Variants in STX3 observed in about 807,000 individuals in gnomAD.
STX3 encodes the protein syntaxin-3.
Under a neutral mutation model 40.2 loss-of-function variants are expected in STX3, and 19 were observed. That is an observed-to-expected ratio of 0.47 (90% CI 0.33 to 0.69). The LOEUF (loss-of-function observed/expected upper bound fraction) is 0.69, where lower values mean the gene tolerates loss of function less well. Among genes scored for constraint, STX3 ranks in the 30% least tolerant of loss-of-function variants. STX3 has a pLI of 0.02. For missense variants in STX3, 364 were observed against 366.7 expected (o/e 0.99, Z 0.06); for synonymous variants, 122 against 132.2 (o/e 0.92, Z 0.53).
chr11:59,781,441 A>G (rs989610007), intron 2 of STX3: 22 of 1,611,202 alleles, frequency 1.4e-5, no homozygotes, highest in South Asian at 1.1e-4. Context: ...TGCTGAACCA[A>G]TGCACCATCT....
chr11:59,771,385 GCCCCCCGTCCCCCCACCTCCCC>G (rs1487065921), intron 1 of STX3, among the ~76,000 whole-genome samples: 3 of 118,126 alleles, frequency 2.5e-5, no homozygotes, highest in African/African-American at 4.3e-5. Context: ...GCATAAATTT[GCCCCCCGTCCCCCCACCTCCCC>G]CCCCCCGCCC....
Position 59,802,066 on chromosome 11 carries a change from G to C in STX3, c.*1242G>C, listed in dbSNP as rs890142743. ...CCTTTCCCACCTGGTGCCTATGCTA[G>C]GCTTGTCCTGAGAACATCCCTCAGT... On this transcript the variant is annotated 3_prime_UTR_variant, in exon 11 of 11. Transcript: ENST00000337979. 1 of 985,418 alleles carries C rather than the reference G, an allele frequency of 1.0e-6. No individual in the cohort carries two copies. Among genetic ancestry groups the C allele is most frequent in the East Asian group, 1.1e-4 (1 of 8,818 alleles). 61.0% of individuals were successfully genotyped at this position (985,418 alleles called of 1,614,324 possible). A position where few individuals can be genotyped will look rare whatever the true frequency, so the allele number is the denominator to read the frequency against.
rs780809075 is a variant in STX3 at position 59,793,513 on chromosome 11, A to G, written c.674A>G (p.Gln225Arg). The change falls in exon 8 of 11, where the codon CAG (glutamine) becomes CGG (arginine). Residue 225 changes from glutamine (Q) to arginine (R), a missense_variant and splice_region_variant. Transcript: ENST00000337979. ...FMDIAMLVEN[Q>R]GEMLDNIELN... ...GACATCGCCATGCTGGTGGAGAATCAGGTAAGTGGCAGTGAGTCCCAGCGT... is the reference window on the plus strand; with the variant it reads ...GACATCGCCATGCTGGTGGAGAATCGGGTAAGTGGCAGTGAGTCCCAGCGT... The G allele has an allele frequency of 2.5e-6, 4 of 1,612,856 alleles. No individual in the cohort carries two copies.
At chr11:59,797,819 T>G (rs370621202) in intron 10 of STX3, among the ~76,000 whole-genome samples, 8 of 152,236 alleles carry the variant, frequency 5.3e-5, no homozygotes, top group African/African-American at 1.7e-4. Context: ...AATGAAACTC[T>G]GAATTGGGAT....
chr11:59,755,570 G>A lies in STX3; in HGVS notation c.-36G>A, dbSNP rs1458027825. On this transcript the variant is annotated 5_prime_UTR_variant, in exon 1 of 11. Coordinates refer to ENST00000337979, the MANE Select transcript of STX3 (RefSeq NM_004177.5). The stretch of plus-strand genomic sequence containing the variant: ...GCTCACCTGGGACGCGCTCACCTGG[G>A]ACGCGCTACCTGCCTCCGGGCGCCT... 1 of 1,591,954 alleles carries A rather than the reference G, an allele frequency of 6.3e-7. No individual in the cohort carries two copies. Among genetic ancestry groups the A allele is most frequent in the East Asian group, 2.3e-5 (1 of 43,636 alleles).
intron 10 of STX3, among the ~76,000 whole-genome samples, chr11:59,798,594 A>C (rs1410539841): frequency 6.6e-6 from 1 of 151,384 alleles, no homozygotes; most frequent in Non-Finnish European, 1.5e-5. Flanking sequence ...ATCTCAGCTC[A>C]CTGCAGCCTC....
At chr11:59,765,979 A>G (rs1278686297) in intron 1 of STX3, among the ~76,000 whole-genome samples, 2 of 152,222 alleles carry the variant, frequency 1.3e-5, no homozygotes, top group Non-Finnish European at 2.9e-5. Flanking sequence ...TGGTTGTGCC[A>G]GGAGGGGTGC....
intron 1 of STX3, among the ~76,000 whole-genome samples, chr11:59,766,887 A>G (rs17510841): frequency 0.046 from 6,985 of 152,286 alleles, 210 homozygotes; most frequent in African/African-American, 0.058. Context: ...TGCAGATGGG[A>G]TTCGTTGACA....
rs746797808 is a variant in STX3, at chr11:59,793,428, C to A, written c.589C>A (p.Arg197=). 9.9e-6 allele frequency: 16 copies of A among 1,613,968 alleles called. No homozygotes were observed. The highest frequency in any genetic ancestry group is 1.7e-5 in the Admixed American group (1 of 59,990). The change falls in exon 8 of 11, where the codon CGA becomes AGA. Residue 197 remains arginine, a synonymous_variant. Transcript: ENST00000337979. ...SKQALSEIEG[R]HKDIVRLESS... ...GCAAGCCCTCAGTGAGATTGAGGGA[C>A]GACACAAGGACATTGTGAGGCTGGA...
At chr11:59,800,199 T>C (rs1865794919) in intron 10 of STX3, 1 of 985,332 alleles carries the variant, frequency 1.0e-6, no homozygotes, top group African/African-American at 1.7e-5. Context: ...TCAAGACTGA[T>C]TGTTGCCTAG....
intron 8 of STX3, among the ~76,000 whole-genome samples, chr11:59,793,955 C>T (rs1004950087): frequency 6.6e-6 from 1 of 151,980 alleles, no homozygotes; most frequent in African/African-American, 2.4e-5. Flanking sequence ...ATCAGAGATC[C>T]GGGCTCCTAA....
chr11:59,797,215 T>C (rs1464760196), intron 9 of STX3, 68 bp from the exon 10 acceptor site: 25 of 1,264,024 alleles, frequency 2.0e-5, no homozygotes, highest in African/African-American at 3.0e-5. Flanking sequence ...GGGTTAGGTT[T>C]TGGATGAGTT....
At chr11:59,772,974 A>AAACACACACACACACACACACACAC (rs1554996770) in intron 1 of STX3, among the ~76,000 whole-genome samples, 23 of 140,678 alleles carry the variant, frequency 1.6e-4, no homozygotes, top group African/African-American at 5.0e-4. Flanking sequence ...CCCTGAAAGA[A>AAACACACACACACACACACACACAC]ACACACACAC....
At chr11:59,761,060 C>T (rs1863007189) in intron 1 of STX3, among the ~76,000 whole-genome samples, 1 of 152,138 alleles carries the variant, frequency 6.6e-6, no homozygotes, top group South Asian at 2.1e-4. Context: ...CTTTACCTAC[C>T]TGAAGTGGAA....
At chr11:59,783,635 C>T (rs961652485) in intron 2 of STX3, among the ~76,000 whole-genome samples, 1 of 152,200 alleles carries the variant, frequency 6.6e-6, no homozygotes, top group Non-Finnish European at 1.5e-5. Flanking sequence ...GTTTCCTATA[C>T]CCCTTCCCTG....
Position 59,803,291 on chromosome 11 carries a change from C to T in STX3, c.*2467C>T. On this transcript the variant is annotated 3_prime_UTR_variant, in exon 11 of 11. Coordinates refer to ENST00000337979, the MANE Select transcript of STX3 (RefSeq NM_004177.5). ...GCTTCCACCATTGGGAGCATATTTG[C>T]CTGAAAAAGGTGAGCCATCTGTGGG... 1 of 1,231,644 alleles carries T rather than the reference C, an allele frequency of 8.1e-7. No homozygotes were observed. Among genetic ancestry groups the T allele is most frequent in the East Asian group, 3.2e-5 (1 of 31,706 alleles). 76.3% of individuals were successfully genotyped at this position (1,231,644 alleles called of 1,614,324 possible).
At chr11:59,772,737 A>G (rs1863724192) in intron 1 of STX3, among the ~76,000 whole-genome samples, 1 of 152,136 alleles carries the variant, frequency 6.6e-6, no homozygotes, top group Non-Finnish European at 1.5e-5. Flanking sequence ...CCTCAACTGT[A>G]GTGAGTTACA....
At chr11:59,761,103 G>T (rs1425766723) in intron 1 of STX3, among the ~76,000 whole-genome samples, 1 of 152,146 alleles carries the variant, frequency 6.6e-6, no homozygotes, top group Admixed American at 6.5e-5. Context: ...GTTTGCTAAT[G>T]AAGCCAGACC....
At chr11:59,790,494 A>C (rs1215420953) in intron 4 of STX3, 25 bp from the exon 5 acceptor site, 1 of 1,589,348 alleles carries the variant, frequency 6.3e-7, no homozygotes, top group East Asian at 2.2e-5. Context: ...ATAGGTTGCA[A>C]GTATAACCTT....
Sources: allele counts gnomAD v4.1 joint callset (sites outside exome capture counted in the v4.1 genomes callset), GRCh38; gene constraint gnomAD v4.1.1; transcripts MANE v1.5; gene names NCBI Gene and HGNC (gene_info 2026-07-23, HGNC 2026-07-21).